The following NREP variants were observed in gnomAD, a reference collection of about 807,000 sequenced individuals.
NREP encodes neuronal regeneration related protein, also known as neuronal regeneration-related protein.
In NREP, 5 loss-of-function variants were observed where a neutral mutation model predicts 8.6. The ratio of observed to expected loss-of-function variants is 0.58; its 90% CI spans 0.30 to 1.22. The LOEUF (loss-of-function observed/expected upper bound fraction) is 1.22. Ranked by LOEUF, NREP falls within the 50% of genes most tolerant of loss-of-function variation. The probability of loss-of-function intolerance (pLI) is 0.07; values close to 1 mark genes in which losing one functional copy is unlikely to be tolerated. For synonymous variants in NREP, 27 were observed against 28.0 expected (o/e 0.96, Z 0.11); for missense variants, 86 against 82.5 (o/e 1.04, Z -0.17).
chr5:111,844,084 A>T (rs1753098316), intron 2 of NREP, among the ~76,000 whole-genome samples: 1 of 152,190 alleles, frequency 6.6e-6, no homozygotes, highest in South Asian at 2.1e-4. Flanking sequence ...AATAAATCTG[A>T]TGCAGCAATA....
At chr5:111,836,821 A>G (rs1263012684) in intron 2 of NREP, among the ~76,000 whole-genome samples, 1 of 152,110 alleles carries the variant, frequency 6.6e-6, no homozygotes, top group African/African-American at 2.4e-5. Context: ...TAACTTCAAA[A>G]GGGTGTCCCG....
intron 2 of NREP, among the ~76,000 whole-genome samples, chr5:111,900,945 G>T (rs2112547939): frequency 6.6e-6 from 1 of 152,134 alleles, no homozygotes; most frequent in South Asian, 2.1e-4. Context: ...ACCAGACTAG[G>T]CTACAACAAA....
chr5:111,928,901 G>A (rs1431970939), intron 2 of NREP, among the ~76,000 whole-genome samples: 1 of 152,054 alleles, frequency 6.6e-6, no homozygotes, highest in Non-Finnish European at 1.5e-5. Context: ...CCACCCCTTA[G>A]TGTGTATGTC....
At chr5:111,859,788 T>A (rs1202082716) in intron 2 of NREP, among the ~76,000 whole-genome samples, 1 of 152,068 alleles carries the variant, frequency 6.6e-6, no homozygotes, top group Non-Finnish European at 1.5e-5. Flanking sequence ...CCAGTCTTTT[T>A]AAATCAGGTC....
chr5:111,968,230 G>A (rs927459107), intron 2 of NREP, among the ~76,000 whole-genome samples: 1 of 151,770 alleles, frequency 6.6e-6, no homozygotes, highest in African/African-American at 2.4e-5. Context: ...TAAAAAAAAG[G>A]TACTTCAGGT....
chr5:111,857,374 A>G (rs1331964361), intron 2 of NREP, among the ~76,000 whole-genome samples: 1 of 152,226 alleles, frequency 6.6e-6, no homozygotes, highest in Non-Finnish European at 1.5e-5. Context: ...AGCCAATGAT[A>G]GTTCTTCAGC....
chr5:111,773,002 T>C (rs1751272453), intron 2 of NREP, among the ~76,000 whole-genome samples: 1 of 152,218 alleles, frequency 6.6e-6, no homozygotes, highest in African/African-American at 2.4e-5. Context: ...GTCAACATAG[T>C]ATTGATAATT....
chr5:111,940,762 T>C (rs930164151), intron 2 of NREP, among the ~76,000 whole-genome samples: 31 of 151,994 alleles, frequency 2.0e-4, no homozygotes, highest in African/African-American at 7.5e-4. Flanking sequence ...TCACTTCTGG[T>C]ACTCACTGCA....
intron 2 of NREP, among the ~76,000 whole-genome samples, chr5:111,930,112 G>A (rs142531112): frequency 2.0e-5 from 3 of 152,282 alleles, no homozygotes; most frequent in East Asian, 1.9e-4. Flanking sequence ...GGAAAAGGGC[G>A]AGGCAAGAGC....
chr5:111,758,127 G>C (rs963286694), upstream of NREP: 34 of 985,464 alleles, frequency 3.5e-5, no homozygotes, highest in African/African-American at 3.8e-4. Context: ...CTGCCCCTCA[G>C]CTGGGTACGC....
intron 2 of NREP, among the ~76,000 whole-genome samples, chr5:111,752,312 T>C (rs1750410917): frequency 6.6e-6 from 1 of 152,182 alleles, no homozygotes; most frequent in African/African-American, 2.4e-5. Context: ...CTAACCCAAA[T>C]AGACTATCCC....
At chr5:111,905,634 T>C (rs971427649) in intron 2 of NREP, among the ~76,000 whole-genome samples, 3 of 152,056 alleles carry the variant, frequency 2.0e-5, no homozygotes, top group African/African-American at 7.2e-5. Flanking sequence ...GACAGCAAAG[T>C]TCAAATCGAA....
At chr5:111,815,070 T>G (rs1287375341) in intron 2 of NREP, among the ~76,000 whole-genome samples, 1 of 151,890 alleles carries the variant, frequency 6.6e-6, no homozygotes, top group Non-Finnish European at 1.5e-5. Context: ...ACATTTTCCC[T>G]TGAAGCATAT....
intron 2 of NREP, among the ~76,000 whole-genome samples, chr5:111,848,637 A>C (rs1753236012): frequency 6.6e-6 from 1 of 152,134 alleles, no homozygotes; most frequent in Non-Finnish European, 1.5e-5. Context: ...TTTACGATAG[A>C]CAATTCCCCC....
At chr5:111,946,519 C>G (rs1203695434) in intron 2 of NREP, among the ~76,000 whole-genome samples, 1 of 151,890 alleles carries the variant, frequency 6.6e-6, no homozygotes, top group African/African-American at 2.4e-5. Context: ...AAAAGATAAT[C>G]CCCTGAAAAC....
intron 2 of NREP, among the ~76,000 whole-genome samples, chr5:111,848,165 G>C (rs909316687): frequency 2.0e-5 from 3 of 152,086 alleles, no homozygotes; most frequent in African/African-American, 7.2e-5. Context: ...TCCAAATACT[G>C]GTGACAAGAA....
chr5:111,894,684 T>A (rs114181229), intron 2 of NREP, among the ~76,000 whole-genome samples: 2,934 of 152,296 alleles, frequency 0.019, 48 homozygotes, highest in Non-Finnish European at 0.027. Context: ...ACTGTACCTA[T>A]GATCCAGGCT....
intron 1 of NREP, chr5:111,975,411 C>T (rs1756934562): frequency 6.8e-7 from 1 of 1,477,224 alleles, no homozygotes; most frequent in Non-Finnish European, 9.3e-7. Context: ...AAAACGTGAG[C>T]ACTGACCCCC....
intron 2 of NREP, among the ~76,000 whole-genome samples, chr5:111,832,980 C>G (rs1752809698): frequency 6.6e-6 from 1 of 152,172 alleles, no homozygotes; most frequent in Non-Finnish European, 1.5e-5. Flanking sequence ...TTCATCTGTC[C>G]CTGACTAATG....
Sources: gnomAD v4.1 joint callset for allele counts (sites outside exome capture counted in the v4.1 genomes callset) on GRCh38, gnomAD v4.1.1 for gene constraint, MANE v1.5 for transcripts, NCBI Gene and HGNC (gene_info 2026-07-23, HGNC 2026-07-21) for gene names.